Variants in SLC71A1 observed in about 807,000 individuals in gnomAD.
SLC71A1 encodes hippocampus abundant gene transcript 1.
chr1:100,067,807 TC>T, the SLC71A1 span, among the ~76,000 whole-genome samples: 1 of 151,422 alleles, frequency 6.6e-6, no homozygotes, highest in Non-Finnish European at 1.5e-5. Flanking sequence ...AAGACCCAGT[TC>T]CCCCACTCTC....
chr1:100,038,519 G>T, the SLC71A1 span, among the ~76,000 whole-genome samples: 1 of 152,190 alleles, frequency 6.6e-6, no homozygotes, highest in Non-Finnish European at 1.5e-5. Flanking sequence ...CGGCCTCCGG[G>T]GCCCGTCCTC....
chr1:100,068,095 T>A, the SLC71A1 span: 2 of 1,614,208 alleles, frequency 1.2e-6, no homozygotes, highest in Non-Finnish European at 8.5e-7. Context: ...TTGCTAGATA[T>A]TTGTTTTATC....
At chr1:100,078,408 T>G in the SLC71A1 span, 5 of 1,269,746 alleles carry the variant, frequency 3.9e-6, no homozygotes, top group Non-Finnish European at 5.7e-6. Flanking sequence ...TCAGGTACAG[T>G]GGAGAAGAAT....
At chr1:100,043,787 TGTAA>T in the SLC71A1 span, among the ~76,000 whole-genome samples, 2 of 152,376 alleles carry the variant, frequency 1.3e-5, no homozygotes, top group South Asian at 2.1e-4. Flanking sequence ...AACTCTCACT[TGTAA>T]GTGAGAACAT....
the SLC71A1 span, among the ~76,000 whole-genome samples, chr1:100,039,388 G>A: frequency 3.3e-5 from 5 of 152,204 alleles, no homozygotes; most frequent in Non-Finnish European, 7.3e-5. Flanking sequence ...GCTGAATTCA[G>A]TTGAAAAACG....
the SLC71A1 span, chr1:100,058,742 T>C: frequency 6.9e-7 from 1 of 1,454,238 alleles, no homozygotes. Flanking sequence ...GGATCAGTCA[T>C]ACATATATAT....
the SLC71A1 span, among the ~76,000 whole-genome samples, chr1:100,040,537 T>C: frequency 6.6e-6 from 1 of 152,162 alleles, no homozygotes; most frequent in African/African-American, 2.4e-5. Flanking sequence ...CTCGGCTCAC[T>C]GTAACCACCG....
At chr1:100,069,809 C>T in the SLC71A1 span, 8 of 687,122 alleles carry the variant, frequency 1.2e-5, no homozygotes, top group Non-Finnish European at 2.1e-5. Context: ...TTGATAGGTT[C>T]AGAAATTCAA....
At chr1:100,039,864 T>C in the SLC71A1 span, among the ~76,000 whole-genome samples, 1 of 152,234 alleles carries the variant, frequency 6.6e-6, no homozygotes, top group East Asian at 1.9e-4. Context: ...ATTACCTTTC[T>C]TTGGGGTTTT....
chr1:100,080,780 A>C, the SLC71A1 span: 1 of 885,144 alleles, frequency 1.1e-6, no homozygotes, highest in East Asian at 2.5e-5. Context: ...AATGCTTAAA[A>C]ACCAGAGTTT....
the SLC71A1 span, chr1:100,080,394 A>C: frequency 3.3e-6 from 3 of 907,872 alleles, no homozygotes; most frequent in Non-Finnish European, 5.2e-6. Flanking sequence ...GTCTGATAAG[A>C]AGCTTGATTT....
chr1:100,068,077 C>G, the SLC71A1 span: 1 of 1,614,048 alleles, frequency 6.2e-7, no homozygotes, highest in East Asian at 2.2e-5. Context: ...TTAGCTACAG[C>G]AATAGCTTTG....
At chr1:100,068,590 A>C in the SLC71A1 span, 1 of 1,508,362 alleles carries the variant, frequency 6.6e-7, no homozygotes, top group Non-Finnish European at 9.2e-7. Flanking sequence ...CAGACAGGTA[A>C]AATCCTCTTC....
chr1:100,077,151 T>TC, the SLC71A1 span: 1 of 1,167,942 alleles, frequency 8.6e-7, no homozygotes, highest in East Asian at 2.4e-5. Flanking sequence ...TAAATCTTTT[T>TC]TTTTTTTTTT....
the SLC71A1 span, among the ~76,000 whole-genome samples, chr1:100,077,959 T>C: frequency 6.6e-6 from 1 of 152,188 alleles, no homozygotes; most frequent in African/African-American, 2.4e-5. Context: ...AAAGAGGTGC[T>C]CACAATTGAA....
chr1:100,055,727 A>G, the SLC71A1 span, among the ~76,000 whole-genome samples: 1 of 152,014 alleles, frequency 6.6e-6, no homozygotes, highest in Admixed American at 6.6e-5. Flanking sequence ...TGTGTTATAA[A>G]CAATCCAATT....
At chr1:100,051,458 GT>G in the SLC71A1 span, among the ~76,000 whole-genome samples, 683 of 133,874 alleles carry the variant, frequency 5.1e-3, no homozygotes, top group East Asian at 5.6e-3. Context: ...ATATCAGAGG[GT>G]TTTTTTTTTT....
At chr1:100,059,496 G>A in the SLC71A1 span, among the ~76,000 whole-genome samples, 3 of 151,046 alleles carry the variant, frequency 2.0e-5, no homozygotes, top group South Asian at 2.1e-4. Context: ...ACAAGTTTTC[G>A]AAATAGGTAA....
chr1:100,057,091 T>G, the SLC71A1 span, among the ~76,000 whole-genome samples: 1 of 152,220 alleles, frequency 6.6e-6, no homozygotes, highest in Non-Finnish European at 1.5e-5. Context: ...ATGGATAGTT[T>G]GCAGATATTT....
Sources: allele counts gnomAD v4.1 joint callset (sites outside exome capture counted in the v4.1 genomes callset), GRCh38; gene constraint gnomAD v4.1.1; transcripts MANE v1.5; gene names NCBI Gene and HGNC (gene_info 2026-07-23, HGNC 2026-07-21).